MYO1D: variants seen among roughly 807,000 people sequenced by gnomAD.
MYO1D encodes unconventional myosin-Id.
In MYO1D, 83 loss-of-function variants were observed where a neutral mutation model predicts 122.0. The observed-to-expected ratio is 0.68, with a 90% CI of 0.57 to 0.82. MYO1D has a LOEUF of 0.82. MYO1D is among the 40% of genes least tolerant of loss of function. The pLI, the probability that MYO1D is intolerant of heterozygous loss-of-function variation, is 0.00. For missense variants in MYO1D, 1,157 were observed against 1,269.5 expected (o/e 0.91, Z 1.35); for synonymous variants, 464 against 446.9 (o/e 1.04, Z -0.48).
At chr17:32,597,868 C>CAAAAAA (rs755415435) in intron 21 of MYO1D, among the ~76,000 whole-genome samples, 8 of 62,692 alleles carry the variant, frequency 1.3e-4, no homozygotes, top group Non-Finnish European at 1.8e-4. Flanking sequence ...AACCCTGTCT[C>CAAAAAA]AAAAAAAAAA....
chr17:32,515,208 ACCACGGATATT>A (rs1214584042), intron 21 of MYO1D, among the ~76,000 whole-genome samples: 1 of 152,218 alleles, frequency 6.6e-6, no homozygotes, highest in Non-Finnish European at 1.5e-5. Flanking sequence ...TCTGTCCCTG[ACCACGGATATT>A]CCCCTAAGAA....
chr17:32,821,320 A>G (rs921909360), intron 1 of MYO1D, among the ~76,000 whole-genome samples: 1 of 152,172 alleles, frequency 6.6e-6, no homozygotes, highest in African/African-American at 2.4e-5. Flanking sequence ...AGTCATTCAT[A>G]TCTCTAATAT....
chr17:32,738,873 A>G (rs9894819), intron 13 of MYO1D, among the ~76,000 whole-genome samples: 7,056 of 152,202 alleles, frequency 0.046, 548 homozygotes, highest in African/African-American at 0.16. Context: ...TTAAAAAAAA[A>G]CACAGGTAGG....
intron 14 of MYO1D, among the ~76,000 whole-genome samples, chr17:32,734,069 T>C (rs1433042887): frequency 6.6e-6 from 1 of 152,194 alleles, no homozygotes; most frequent in African/African-American, 2.4e-5. Flanking sequence ...ACAGTTTCCA[T>C]ATGATAGGGA....
intron 16 of MYO1D, among the ~76,000 whole-genome samples, chr17:32,666,752 G>T (rs1248151300): frequency 6.6e-6 from 1 of 152,074 alleles, no homozygotes; most frequent in African/African-American, 2.4e-5. Flanking sequence ...GGGCATTGGG[G>T]GCTCTTTCTG....
At chr17:32,864,220 C>CTCCA (rs555316472) in intron 1 of MYO1D, among the ~76,000 whole-genome samples, 15 of 151,826 alleles carry the variant, frequency 9.9e-5, no homozygotes, top group Non-Finnish European at 1.9e-4. Flanking sequence ...TGAAGCCCTA[C>CTCCA]TCCACCTCTA....
rs572535695 is a variant in MYO1D at position 32,687,419 on chromosome 17, G to C, written c.2121+24569C>G. On this transcript the variant is annotated intron_variant, in intron 16 of 21. Coordinates refer to ENST00000318217, the MANE Select transcript of MYO1D (RefSeq NM_015194.3). Reference sequence around the variant, plus strand: ...TCACCATGTTAGCCAGGATGGTCTCGATCTCCTGACCTCATGATCCACCCG... The same window carrying C: ...TCACCATGTTAGCCAGGATGGTCTCCATCTCCTGACCTCATGATCCACCCG... 2.5e-3 allele frequency among the ~76,000 whole-genome samples: 384 copies of C among 152,214 alleles called. 2 individuals carry two copies. The highest frequency in any genetic ancestry group is 8.8e-3 in the African/African-American group (365 of 41,526).
intron 1 of MYO1D, among the ~76,000 whole-genome samples, chr17:32,876,462 G>C (rs1567682534): frequency 6.6e-6 from 1 of 152,096 alleles, no homozygotes; most frequent in Non-Finnish European, 1.5e-5. Flanking sequence ...CACCTGGCGC[G>C]GGGAAGCGCG....
At chr17:32,789,475 C>A (rs2090329642) in intron 1 of MYO1D, among the ~76,000 whole-genome samples, 1 of 152,070 alleles carries the variant, frequency 6.6e-6, no homozygotes, top group Non-Finnish European at 1.5e-5. Flanking sequence ...CAATAAACAT[C>A]AATAAACAGT....
At chr17:32,613,895 T>C (rs1378727909) in intron 20 of MYO1D, among the ~76,000 whole-genome samples, 3 of 150,884 alleles carry the variant, frequency 2.0e-5, no homozygotes, top group African/African-American at 7.3e-5. Flanking sequence ...ACCAGAATGA[T>C]CTCCTTGGGG....
At chr17:32,694,073 T>C (rs1323400636) in intron 16 of MYO1D, among the ~76,000 whole-genome samples, 1 of 152,250 alleles carries the variant, frequency 6.6e-6, no homozygotes. Flanking sequence ...GCTATTCTAA[T>C]AGCGCTGCTT....
intron 1 of MYO1D, among the ~76,000 whole-genome samples, chr17:32,793,840 C>T (rs1430333386): frequency 1.3e-5 from 2 of 152,218 alleles, no homozygotes; most frequent in Non-Finnish European, 2.9e-5. Flanking sequence ...CTTTCTTCAA[C>T]TGATATAGTA....
chr17:32,591,079 G>C (rs1412556510), intron 21 of MYO1D, among the ~76,000 whole-genome samples: 1 of 152,208 alleles, frequency 6.6e-6, no homozygotes, highest in Non-Finnish European at 1.5e-5. Context: ...GGCAGGTAAA[G>C]CTGAGGATGA....
intron 16 of MYO1D, among the ~76,000 whole-genome samples, chr17:32,685,785 CT>C (rs779001362): frequency 2.0e-5 from 3 of 152,208 alleles, no homozygotes; most frequent in Non-Finnish European, 4.4e-5. Flanking sequence ...GCTAACTTAG[CT>C]TTAAGTTATT....
At chr17:32,747,958 G>C (rs1277586141) in intron 12 of MYO1D, among the ~76,000 whole-genome samples, 1 of 152,152 alleles carries the variant, frequency 6.6e-6, no homozygotes, top group African/African-American at 2.4e-5. Context: ...GCTACTAGAA[G>C]CTGGAAAAAG....
At chr17:32,807,144 A>C (rs2430985) in intron 1 of MYO1D, among the ~76,000 whole-genome samples, 80,624 of 151,898 alleles carry the variant, frequency 0.53, 22,175 homozygotes, top group East Asian at 0.73. Context: ...TTGGAAAAAA[A>C]TCACAAAAAT....
At chr17:32,659,944 A>C (rs2088537765) in intron 16 of MYO1D, among the ~76,000 whole-genome samples, 1 of 152,194 alleles carries the variant, frequency 6.6e-6, no homozygotes, top group Non-Finnish European at 1.5e-5. Context: ...ACACTATATA[A>C]ACGCCTCAAT....
At chr17:32,620,117 G>A (rs1197643029) in intron 20 of MYO1D, among the ~76,000 whole-genome samples, 1 of 152,174 alleles carries the variant, frequency 6.6e-6, no homozygotes, top group East Asian at 1.9e-4. Flanking sequence ...TGGGGAGTAT[G>A]ACAGGCGCCT....
intron 21 of MYO1D, among the ~76,000 whole-genome samples, chr17:32,535,705 T>C (rs1029220629): frequency 5.3e-5 from 8 of 152,152 alleles, no homozygotes; most frequent in Admixed American, 1.3e-4. Context: ...GAGCCAAGAT[T>C]GTGCCACTGC....
Sources: allele counts gnomAD v4.1 joint callset (sites outside exome capture counted in the v4.1 genomes callset), GRCh38; gene constraint gnomAD v4.1.1; transcripts MANE v1.5; gene names NCBI Gene and HGNC (gene_info 2026-07-23, HGNC 2026-07-21).